The following CNTN4 variants were observed in gnomAD, a reference collection of about 807,000 sequenced individuals.
The protein encoded by CNTN4 is contactin 4.
Under a neutral mutation model 122.5 loss-of-function variants are expected in CNTN4, and 77 were observed. The ratio of observed to expected loss-of-function variants is 0.63; its 90% CI spans 0.52 to 0.76. The LOEUF is 0.76. CNTN4 is among the 30% of genes least tolerant of loss of function. The probability of loss-of-function intolerance (pLI) is 0.00; values close to 1 mark genes in which losing one functional copy is unlikely to be tolerated. For synonymous variants in CNTN4, 512 were observed against 447.0 expected (o/e 1.15, Z -1.83); for missense variants, 1,256 against 1,259.1 (o/e 1.00, Z 0.04).
At chr3:2,403,547 T>C (rs946588914) in intron 3 of CNTN4, among the ~76,000 whole-genome samples, 1 of 152,188 alleles carries the variant, frequency 6.6e-6, no homozygotes, top group African/African-American at 2.4e-5. Flanking sequence ...AGAATATGCA[T>C]ACCATAAGAT....
chr3:2,189,804 C>A (rs2037441335), intron 2 of CNTN4, among the ~76,000 whole-genome samples: 1 of 152,120 alleles, frequency 6.6e-6, no homozygotes, highest in Non-Finnish European at 1.5e-5. Context: ...TAATAACGAA[C>A]TTTCAGTGAG....
chr3:2,104,226 CT>C (rs1320306172), intron 2 of CNTN4, among the ~76,000 whole-genome samples: 2 of 135,920 alleles, frequency 1.5e-5, no homozygotes, highest in African/African-American at 2.7e-5. Flanking sequence ...CCATTTATGT[CT>C]ACGTGTGTGT....
chr3:2,389,967 A>G (rs1222055396), intron 3 of CNTN4, among the ~76,000 whole-genome samples: 1 of 152,228 alleles, frequency 6.6e-6, no homozygotes, highest in East Asian at 1.9e-4. Context: ...AGGAGATTAA[A>G]GGGACATGTC....
chr3:2,838,904 A>G (rs905881639), intron 7 of CNTN4, among the ~76,000 whole-genome samples: 1 of 152,220 alleles, frequency 6.6e-6, no homozygotes, highest in African/African-American at 2.4e-5. Flanking sequence ...TAGGCCTGTC[A>G]TCAGAGAGAC....
intron 2 of CNTN4, among the ~76,000 whole-genome samples, chr3:2,297,494 A>G (rs1575303664): frequency 6.6e-6 from 1 of 152,204 alleles, no homozygotes; most frequent in Non-Finnish European, 1.5e-5. Flanking sequence ...AGTGCTGCCT[A>G]TGCTGACCTG....
chr3:2,566,576 C>G (rs1169186018), intron 3 of CNTN4, among the ~76,000 whole-genome samples: 2 of 152,140 alleles, frequency 1.3e-5, no homozygotes, highest in Middle Eastern at 3.2e-3. Flanking sequence ...AGATTCCTAC[C>G]TTCATAAAGT....
At chr3:2,126,085 G>C (rs2034143875) in intron 2 of CNTN4, among the ~76,000 whole-genome samples, 1 of 152,098 alleles carries the variant, frequency 6.6e-6, no homozygotes. Context: ...ATGGAATCCT[G>C]AATACAGTTA....
intron 3 of CNTN4, among the ~76,000 whole-genome samples, chr3:2,534,706 T>G (rs2077731062): frequency 6.6e-6 from 1 of 151,286 alleles, no homozygotes. Flanking sequence ...CTCTGAAGTT[T>G]TAATTGCTTA....
intron 4 of CNTN4, among the ~76,000 whole-genome samples, chr3:2,573,457 C>T (rs111760034): frequency 2.0e-5 from 3 of 152,158 alleles, no homozygotes; most frequent in Non-Finnish European, 4.4e-5. Flanking sequence ...GACCTTGACC[C>T]TCCTAAGGGA....
At chr3:2,661,927 C>A (rs1450378262) in intron 4 of CNTN4, among the ~76,000 whole-genome samples, 2 of 151,384 alleles carry the variant, frequency 1.3e-5, no homozygotes, top group East Asian at 3.9e-4. Flanking sequence ...CAAATTCAGA[C>A]AAACACAGAA....
intron 4 of CNTN4, among the ~76,000 whole-genome samples, chr3:2,615,242 T>C (rs1389711544): frequency 6.6e-6 from 1 of 152,224 alleles, no homozygotes; most frequent in African/African-American, 2.4e-5. Context: ...TACAGCCATT[T>C]ATAACAGGGT....
intron 2 of CNTN4, among the ~76,000 whole-genome samples, chr3:2,172,384 A>G (rs57476227): frequency 6.6e-6 from 1 of 152,018 alleles, no homozygotes; most frequent in Non-Finnish European, 1.5e-5. Context: ...GATTTAATGG[A>G]CTTTGGGGAC....
In CNTN4 at chr3:2,796,070, C is replaced by T. The variant is rs368189730; in HGVS notation, c.359-23416C>T. 5.9e-5 allele frequency among the ~76,000 whole-genome samples: 9 copies of T among 152,192 alleles called. No individual in the cohort carries two copies. In the East Asian group the frequency reaches 9.7e-4, roughly 16 times the overall value. ...ACAGAGAATTGTTGATTGGGACTTT[C>T]TTGACCCGTAAGATGTAAAGGTTAA... On this transcript the variant is annotated intron_variant, in intron 6 of 24. Coordinates refer to ENST00000418658, the MANE Select transcript of CNTN4 (RefSeq NM_175607.3).
intron 4 of CNTN4, among the ~76,000 whole-genome samples, chr3:2,620,289 C>A (rs2081944428): frequency 6.6e-6 from 1 of 152,100 alleles, no homozygotes; most frequent in Non-Finnish European, 1.5e-5. Context: ...TGCCTGAGCA[C>A]ACGAGTTCAA....
intron 4 of CNTN4, among the ~76,000 whole-genome samples, chr3:2,662,501 A>C (rs2083946083): frequency 6.6e-6 from 1 of 152,192 alleles, no homozygotes; most frequent in African/African-American, 2.4e-5. Context: ...GCCTGAGAGG[A>C]TACATTTCTT....
intron 8 of CNTN4, among the ~76,000 whole-genome samples, chr3:2,874,361 GA>G: frequency 6.6e-6 from 1 of 152,182 alleles, no homozygotes; most frequent in Admixed American, 6.5e-5. Context: ...TTCTTTACTG[GA>G]ATTATTGAAT....
chr3:2,439,795 G>A (rs1023330664), intron 3 of CNTN4, among the ~76,000 whole-genome samples: 1 of 152,078 alleles, frequency 6.6e-6, no homozygotes. Context: ...TTCTTAGAGG[G>A]CCTGGTTGTG....
At chr3:2,208,825 C>T (rs1400655236) in intron 2 of CNTN4, among the ~76,000 whole-genome samples, 3 of 152,130 alleles carry the variant, frequency 2.0e-5, no homozygotes, top group Non-Finnish European at 4.4e-5. Flanking sequence ...TTACAACTCA[C>T]TGAAGGCTCA....
At chr3:2,344,643 C>G (rs1356527417) in intron 3 of CNTN4, among the ~76,000 whole-genome samples, 2 of 152,202 alleles carry the variant, frequency 1.3e-5, no homozygotes, top group South Asian at 2.1e-4. Context: ...TGGGGTCAGA[C>G]AGGAATGAAT....
Sources: gnomAD v4.1 joint callset for allele counts (sites outside exome capture counted in the v4.1 genomes callset) on GRCh38, gnomAD v4.1.1 for gene constraint, MANE v1.5 for transcripts, NCBI Gene and HGNC (gene_info 2026-07-23, HGNC 2026-07-21) for gene names.